HSPG2: variants seen among roughly 807,000 people sequenced by gnomAD.
HSPG2 encodes basement membrane-specific heparan sulfate proteoglycan core protein.
A neutral mutation model predicts 526.6 loss-of-function variants in HSPG2; 278 were observed. That is an observed-to-expected ratio of 0.53 (90% CI 0.48 to 0.58). The LOEUF is 0.58. HSPG2 is among the 20% of genes least tolerant of loss of function. The pLI is 0.00. For missense variants in HSPG2, 5,354 were observed against 6,099.5 expected (o/e 0.88, Z 4.07); for synonymous variants, 2,465 against 2,555.4 (o/e 0.96, Z 1.07).
At position 21,827,818 on chromosome 1, in the gene HSPG2, G is replaced by GTGAGC. The variant is rs762563994; in HGVS notation, c.12589+40_12589+44dup. 2.5e-5 allele frequency: 39 copies of GTGAGC among 1,547,746 alleles called. No individual in the cohort carries two copies. In the African/African-American group the frequency reaches 4.5e-4, roughly 18 times the overall value. On this transcript the variant is annotated intron_variant, in intron 91 of 96. Coordinates refer to ENST00000374695, the MANE Select transcript of HSPG2 (RefSeq NM_005529.7). ...TTGAGGGTGTGGGGTAACTGGAAGA[G>GTGAGC]TGAGCTGAGCTGAAGCTGGGGAGGA...
At position 21,859,530 on chromosome 1, in the gene HSPG2, C is replaced by T; in HGVS notation, c.5293+36G>A. ...CTGCAGCCTGCAGCCCAGCCCAGGACAGGCAGTCTTGGTTACAGGGGGCGT... is the reference window on the plus strand; with the variant it reads ...CTGCAGCCTGCAGCCCAGCCCAGGATAGGCAGTCTTGGTTACAGGGGGCGT... On this transcript the variant is annotated intron_variant, in intron 42 of 96. Transcript: ENST00000374695. This position sits in a 1 kb window ranked among gnomAD's most constrained non-coding sequence, Gnocchi z 5.3. 6.8e-7 allele frequency: 1 copy of T among 1,479,468 alleles called. No individual in the cohort carries two copies. Among genetic ancestry groups the T allele is most frequent in the South Asian group, 1.2e-5 (1 of 82,868 alleles). The allele number at this position is 1,479,468 out of a possible 1,614,324, so 91.6% of individuals were successfully genotyped here. A position where few individuals can be genotyped will look rare whatever the true frequency, so the allele number is the denominator to read the frequency against.
chr1:21,879,194 G>C lies in HSPG2; in HGVS notation c.2344-73C>G, dbSNP rs143639550. ...CCAGATGCTGCGGGGGACCTTGGAG[G>C]CTGTCTAGCTCAGCCTCCCCATCAC... On this transcript the variant is annotated intron_variant, in intron 17 of 96. Transcript: ENST00000374695. 1.3e-3 allele frequency: 2,100 copies of C among 1,585,824 alleles called. 27 individuals are homozygous for C. The African/African-American group carries it at 0.025, about 19-fold the overall frequency.
intron 37 of HSPG2, among the ~76,000 whole-genome samples, chr1:21,863,723 A>G (rs900238487): frequency 5.3e-5 from 8 of 150,144 alleles, no homozygotes; most frequent in Non-Finnish European, 8.9e-5. Flanking sequence ...AAAAAGTAAA[A>G]AGGCCAGGTG....
intron 67 of HSPG2, 121 bp downstream of exon 67, chr1:21,842,649 A>G: frequency 7.5e-7 from 1 of 1,330,514 alleles, no homozygotes; most frequent in South Asian, 1.2e-5. Flanking sequence ...TCGTCCCGCA[A>G]ACGTATTTTA....
chr1:21,839,736 C>CATCAT lies in HSPG2; in HGVS notation c.9709+81_9709+85dup. The CATCAT allele has an allele frequency of 6.7e-7, 1 of 1,488,128 alleles. No individual in the cohort carries two copies. Among genetic ancestry groups the CATCAT allele is most frequent in the Non-Finnish European group, 9.2e-7 (1 of 1,082,036 alleles). 92.2% of individuals were successfully genotyped at this position (1,488,128 alleles called of 1,614,324 possible). A position where few individuals can be genotyped will look rare whatever the true frequency, so the allele number is the denominator to read the frequency against. ...CCGTACTCCCCACCCCTGGGCATGA[C>CATCAT]ATCATCTCTAGATCACATGTGTCTA... On this transcript the variant is annotated intron_variant, in intron 72 of 96. Coordinates refer to ENST00000374695, the MANE Select transcript of HSPG2 (RefSeq NM_005529.7). The surrounding 1 kb of genome is among the most constrained non-coding windows in gnomAD (Gnocchi z 4.5).
rs556463945 is a variant in HSPG2 at position 21,848,037 on chromosome 1, G to A, written c.7794C>T (p.Tyr2598=). 3.8e-5 allele frequency: 62 copies of A among 1,613,190 alleles called. No homozygotes were observed. In the East Asian group the frequency reaches 7.4e-4, roughly 19 times the overall value. Reference sequence around the variant, plus strand: ...CTGCACCGTTACTGACGTGACACACGTACTCGCCCGAGTCTGCCGGAGTCA... The same window carrying A: ...CTGCACCGTTACTGACGTGACACACATACTCGCCCGAGTCTGCCGGAGTCA... ...PQVTPADSGE[Y]VCHVSNGAGS... Residue 2598 remains tyrosine (Y), a synonymous_variant, in exon 60 of 97, where the codon TAC becomes TAT. Coordinates refer to ENST00000374695, the MANE Select transcript of HSPG2 (RefSeq NM_005529.7). The surrounding 1 kb of genome is among the most constrained non-coding windows in gnomAD (Gnocchi z 4.9).
rs1403627552 is a variant in HSPG2, at chr1:21,824,182, C to T, written c.12838G>A (p.Ala4280Thr). Residue 4280 changes from alanine to threonine, a missense_variant, in exon 95 of 97, where the codon GCC becomes ACC. Ala to Thr is a moderately conservative substitution (Grantham distance 58). Transcript: ENST00000374695. The surrounding 1 kb of genome is among the most constrained non-coding windows in gnomAD (Gnocchi z 5.9). ...VFRYQLGSGEARLVSEDPIND... is the reference protein window; with the variant it reads ...VFRYQLGSGETRLVSEDPIND... ...ATGGGGTCCTCAGAGACCAGGCGGG[C>T]CTCCCCACTACCCAGCTGGTACCTG... 1.9e-6 allele frequency: 3 copies of T among 1,613,744 alleles called. No individual in the cohort carries two copies. In the South Asian group the frequency reaches 3.3e-5, roughly 18 times the overall value.
chr1:21,927,116 G>T (rs1214331636), intron 1 of HSPG2, among the ~76,000 whole-genome samples: 1 of 152,202 alleles, frequency 6.6e-6, no homozygotes, highest in Admixed American at 6.5e-5. Flanking sequence ...CACCCGTGGA[G>T]AAGCATCTGT....
chr1:21,854,825 C>G, intron 48 of HSPG2, 23 bp downstream of exon 48: 1 of 1,613,350 alleles, frequency 6.2e-7, no homozygotes, highest in South Asian at 1.1e-5. Flanking sequence ...CTCCCCACCC[C>G]TCCATTCCCA....
At chr1:21,862,524 G>A (rs553381480) in intron 37 of HSPG2, among the ~76,000 whole-genome samples, 1 of 148,402 alleles carries the variant, frequency 6.7e-6, no homozygotes, top group East Asian at 2.0e-4. Flanking sequence ...GTGGAGGTTG[G>A]AGTGAGCCGA....
intron 37 of HSPG2, among the ~76,000 whole-genome samples, chr1:21,863,060 CAAAAAAAAAAAAAA>C (rs60890297): frequency 6.4e-5 from 2 of 31,234 alleles, no homozygotes; most frequent in Middle Eastern, 0.038. Flanking sequence ...GACTCCATCT[CAAAAAAAAAAAAAA>C]AAAAAAAAAA....
Position 21,839,322 on chromosome 1 carries a change from G to A in HSPG2, c.9889+49C>T, listed in dbSNP as rs751922688. 3 of 1,589,884 alleles carry A rather than the reference G, an allele frequency of 1.9e-6. No homozygotes were observed. In the South Asian group the frequency reaches 3.3e-5, roughly 18 times the overall value. ...TCTGTGTGGGGTGGAGCCTAGTCGG[G>A]GGGCTCAGATCTCCATTTGGTGCAG... On this transcript the variant is annotated intron_variant, in intron 73 of 96. Transcript: ENST00000374695. This position sits in a 1 kb window ranked among gnomAD's most constrained non-coding sequence, Gnocchi z 4.5.
chr1:21,868,453 G>A (rs921802749), intron 33 of HSPG2, among the ~76,000 whole-genome samples: 2 of 152,324 alleles, frequency 1.3e-5, no homozygotes, highest in East Asian at 3.9e-4. Flanking sequence ...GATACTGATG[G>A]TGACAGGAAT....
In HSPG2 at chr1:21,870,283, C is replaced by G. The variant is rs572245517; in HGVS notation, c.4221+1903G>C. ...GATCCTCCCAGCTGTCACGGCTGCC[C>G]GCAACTGCTCCTCTGAGAGGGATGT... On this transcript the variant is annotated intron_variant, in intron 33 of 96. Coordinates refer to ENST00000374695, the MANE Select transcript of HSPG2 (RefSeq NM_005529.7). 1.1e-4 allele frequency: 105 copies of G among 986,016 alleles called. No individual in the cohort carries two copies. The Middle Eastern group carries it at 4.2e-3, about 39-fold the overall frequency. 61.1% of individuals were successfully genotyped at this position (986,016 alleles called of 1,614,324 possible).
At chr1:21,832,939 G>A in intron 80 of HSPG2, 1 of 557,328 alleles carries the variant, frequency 1.8e-6, no homozygotes, top group Non-Finnish European at 3.2e-6. Context: ...AGAAAGAGAG[G>A]AGGAAAGGGT....
At chr1:21,934,784 A>G (rs1644440840) in intron 1 of HSPG2, among the ~76,000 whole-genome samples, 1 of 151,666 alleles carries the variant, frequency 6.6e-6, no homozygotes, top group South Asian at 2.1e-4. Context: ...TTTAGTAGAG[A>G]CAGGGTTTCA....
intron 33 of HSPG2, among the ~76,000 whole-genome samples, chr1:21,869,957 C>T (rs888474374): frequency 1.3e-5 from 2 of 152,218 alleles, no homozygotes; most frequent in Non-Finnish European, 2.9e-5. Flanking sequence ...GCCCCAGGGG[C>T]ATCTGGACGG....
At position 21,878,756 on chromosome 1, in the gene HSPG2, G is replaced by A. The variant is rs546747663; in HGVS notation, c.2472-93C>T. 42 of 1,325,894 alleles carry A rather than the reference G, an allele frequency of 3.2e-5. No individual in the cohort carries two copies. In the African/African-American group the frequency reaches 6.0e-4, roughly 19 times the overall value. 82.1% of individuals were successfully genotyped at this position (1,325,894 alleles called of 1,614,324 possible). On this transcript the variant is annotated intron_variant, in intron 18 of 96. Coordinates refer to ENST00000374695, the MANE Select transcript of HSPG2 (RefSeq NM_005529.7). ...AATGACTGCTGTCTACACAGACACAGTGTGCCACGAGGCATGACGCCATCT... is the reference window on the plus strand; with the variant it reads ...AATGACTGCTGTCTACACAGACACAATGTGCCACGAGGCATGACGCCATCT...
Position 21,880,798 on chromosome 1 carries a change from C to A in HSPG2, c.1856G>T (p.Arg619Leu), listed in dbSNP as rs1457880548. The change falls in exon 15 of 97, where the codon CGC becomes CTC. Residue 619 changes from arginine to leucine, a missense_variant. Transcript: ENST00000374695. Reference sequence around the variant, plus strand: ...CAGCATGCCACGGGCCAACTCGTAGCGCACGTTGTAACGCAGGGAGCCGCC... The same window carrying A: ...CAGCATGCCACGGGCCAACTCGTAGAGCACGTTGTAACGCAGGGAGCCGCC... ...SYGGSLRYNV[R>L]YELARGMLEP... The A allele has an allele frequency of 1.3e-6, 2 of 1,597,300 alleles. No individual in the cohort carries two copies. The highest frequency in any genetic ancestry group is 1.7e-6 in the Non-Finnish European group (2 of 1,172,914).
Sources: gnomAD v4.1 joint callset for allele counts (sites outside exome capture counted in the v4.1 genomes callset) on GRCh38, gnomAD v4.1.1 for gene constraint, Gnocchi (gnomAD v3.1) non-coding constraint, MANE v1.5 for transcripts, NCBI Gene and HGNC (gene_info 2026-07-23, HGNC 2026-07-21) for gene names.